Variants in C7orf57 observed in about 807,000 individuals in gnomAD.
C7orf57 encodes uncharacterized protein C7orf57.
Under a neutral mutation model 39.0 loss-of-function variants are expected in C7orf57, and 33 were observed. That is an observed-to-expected ratio of 0.85 (90% CI 0.64 to 1.13). The LOEUF (loss-of-function observed/expected upper bound fraction) is 1.13. Among genes scored for constraint, C7orf57 ranks in the 50% most tolerant of loss-of-function variants. C7orf57 has a pLI of 0.00. For synonymous variants in C7orf57, 124 were observed against 137.1 expected (o/e 0.90, Z 0.67); for missense variants, 346 against 362.3 (o/e 0.95, Z 0.37).
intron 2 of C7orf57, among the ~76,000 whole-genome samples, chr7:48,038,062 C>T (rs1360398567): frequency 6.6e-6 from 1 of 152,176 alleles, no homozygotes; most frequent in Non-Finnish European, 1.5e-5. Flanking sequence ...TTCTCTTATT[C>T]ATTCTTAAAT....
At chr7:48,043,443 G>T (rs200621851) in intron 3 of C7orf57, 38 bp from the exon 4 acceptor site, 1 of 1,509,266 alleles carries the variant, frequency 6.6e-7, no homozygotes, top group Non-Finnish European at 9.2e-7. Context: ...TGTAGGGGCG[G>T]CGGGGTGTCT....
chr7:48,052,155 G>T (rs1407926761), intron 6 of C7orf57, among the ~76,000 whole-genome samples: 1 of 151,696 alleles, frequency 6.6e-6, no homozygotes, highest in Non-Finnish European at 1.5e-5. Context: ...TGTATTTTTC[G>T]TGGAGACGGG....
chr7:48,051,966 T>C (rs985634316), intron 6 of C7orf57, among the ~76,000 whole-genome samples: 1 of 145,572 alleles, frequency 6.9e-6, no homozygotes, highest in East Asian at 2.0e-4. Context: ...TTTTTTTCTC[T>C]CTCTCTTCTT....
intron 4 of C7orf57, among the ~76,000 whole-genome samples, chr7:48,043,920 C>T (rs1455179152): frequency 6.6e-6 from 1 of 151,980 alleles, no homozygotes; most frequent in African/African-American, 2.4e-5. Flanking sequence ...TGGTGGGCTG[C>T]TCTCAAGATG....
chr7:48,048,398 C>T (rs1432041625), intron 5 of C7orf57, among the ~76,000 whole-genome samples: 1 of 152,164 alleles, frequency 6.6e-6, no homozygotes, highest in Non-Finnish European at 1.5e-5. Context: ...AGACTTAGGG[C>T]ACATGTATTG....
At chr7:48,057,698 T>C (rs1791154473) in intron 8 of C7orf57, among the ~76,000 whole-genome samples, 1 of 152,174 alleles carries the variant, frequency 6.6e-6, no homozygotes, top group South Asian at 2.1e-4. Flanking sequence ...TTTCTCCTGA[T>C]CTTAGAAAAA....
intron 2 of C7orf57, among the ~76,000 whole-genome samples, chr7:48,038,421 A>T (rs1326977646): frequency 2.7e-5 from 3 of 109,392 alleles, no homozygotes; most frequent in African/African-American, 9.0e-5. Context: ...GATAGATAGA[A>T]AGGGAGAGAG....
At chr7:48,042,199 T>C (rs1240083318) in intron 3 of C7orf57, among the ~76,000 whole-genome samples, 1 of 152,202 alleles carries the variant, frequency 6.6e-6, no homozygotes, top group Non-Finnish European at 1.5e-5. Flanking sequence ...GGAAGCAAAA[T>C]GGCAACATCT....
rs1272756550 is a variant in C7orf57, at chr7:48,060,945, A to G, written c.*673A>G. 3 of 152,164 alleles carry G rather than the reference A, an allele frequency of 2.0e-5. No homozygotes were observed. Among genetic ancestry groups the G allele is most frequent in the Non-Finnish European group, 2.9e-5 (2 of 68,000 alleles). The allele number at this position is 152,164 out of a possible 1,614,324, so 9.4% of individuals were successfully genotyped here. Reference sequence around the variant, plus strand: ...ATTAACAAAAACTTTTTAATAGTCAAACTGAATTACCTTGTTTTATAAATG... The same window carrying G: ...ATTAACAAAAACTTTTTAATAGTCAGACTGAATTACCTTGTTTTATAAATG... On this transcript the variant is annotated 3_prime_UTR_variant, in exon 9 of 9. Coordinates refer to ENST00000348904, the MANE Select transcript of C7orf57 (RefSeq NM_001100159.3).
At chr7:48,046,851 G>C (rs1019630248) in intron 5 of C7orf57, among the ~76,000 whole-genome samples, 2 of 152,324 alleles carry the variant, frequency 1.3e-5, no homozygotes, top group South Asian at 4.1e-4. Context: ...TTTGCTAAAT[G>C]ATTTATAGAT....
At chr7:48,043,917 C>T (rs950735859) in intron 4 of C7orf57, among the ~76,000 whole-genome samples, 4 of 151,976 alleles carry the variant, frequency 2.6e-5, no homozygotes, top group Non-Finnish European at 5.9e-5. Context: ...TGGTGGTGGG[C>T]TGCTCTCAAG....
intron 6 of C7orf57, among the ~76,000 whole-genome samples, chr7:48,051,026 A>G (rs1790858015): frequency 6.6e-6 from 1 of 152,098 alleles, no homozygotes; most frequent in Non-Finnish European, 1.5e-5. Flanking sequence ...CTGCCCTGTC[A>G]CTCTTCAGTG....
At position 48,041,425 on chromosome 7, in the gene C7orf57, C is replaced by T; in HGVS notation, c.147C>T (p.Asp49=). 1 of 1,613,974 alleles carries T rather than the reference C, an allele frequency of 6.2e-7. No individual in the cohort carries two copies. The highest frequency in any genetic ancestry group is 8.5e-7 in the Non-Finnish European group (1 of 1,179,868). ...SQIPGLSNLG[D]SHSENLPGTR... ...TCCCAGGTCTCAGCAATTTGGGAGA[C>T]TCACACAGCGAGAACCTGCCTGGGA... Residue 49 remains aspartate (D), a synonymous_variant, in exon 3 of 9, where the codon GAC becomes GAT. Coordinates refer to ENST00000348904, the MANE Select transcript of C7orf57 (RefSeq NM_001100159.3).
rs1361691444 is a variant in C7orf57 at position 48,046,557 on chromosome 7, TTCGACA to T, written c.450_455del (p.Phe150_Met152delinsLeu). On this transcript the variant is annotated inframe_deletion, in exon 5 of 9. Coordinates refer to ENST00000348904, the MANE Select transcript of C7orf57 (RefSeq NM_001100159.3). ...TGCATCCAGAAGAGGGCCCTTCGAC[TTCGACA>T]TGAAAACAGTTTGGCAAAGAGAGGC... is the stretch of plus-strand genomic sequence containing the variant. The T allele has an allele frequency of 3.7e-6, 6 of 1,613,898 alleles. No homozygotes were observed. Among genetic ancestry groups the T allele is most frequent in the Non-Finnish European group, 5.1e-6 (6 of 1,179,826 alleles).
intron 2 of C7orf57, among the ~76,000 whole-genome samples, chr7:48,038,832 A>G (rs1021372689): frequency 2.6e-5 from 4 of 152,110 alleles, no homozygotes; most frequent in African/African-American, 9.7e-5. Context: ...ATTCAGTTTG[A>G]AAAGGTGGGA....
intron 3 of C7orf57, among the ~76,000 whole-genome samples, chr7:48,043,000 C>A (rs950147976): frequency 1.3e-5 from 2 of 152,156 alleles, no homozygotes; most frequent in Non-Finnish European, 2.9e-5. Context: ...CATCTGGAAA[C>A]CTGGAGGTGT....
At chr7:48,051,960 T>C (rs1181228314) in intron 6 of C7orf57, among the ~76,000 whole-genome samples, 1 of 147,950 alleles carries the variant, frequency 6.8e-6, no homozygotes, top group East Asian at 2.0e-4. Flanking sequence ...TTCTTTTTTT[T>C]TTCTCTCTCT....
At chr7:48,051,663 T>TTC (rs1562629325) in intron 6 of C7orf57, among the ~76,000 whole-genome samples, 6 of 145,676 alleles carry the variant, frequency 4.1e-5, no homozygotes, top group African/African-American at 1.3e-4. Context: ...TCCCTTCCTT[T>TTC]CTTCCTTTCT....
In C7orf57 at chr7:48,060,484, A is replaced by G; in HGVS notation, c.*212A>G. The G allele has an allele frequency of 2.3e-6, 1 of 425,748 alleles. No individual in the cohort carries two copies. The allele number at this position is 425,748 out of a possible 1,614,324, so 26.4% of individuals were successfully genotyped here. A position where few individuals can be genotyped will look rare whatever the true frequency, so the allele number is the denominator to read the frequency against. On this transcript the variant is annotated 3_prime_UTR_variant, in exon 9 of 9. Transcript: ENST00000348904. ...TCTCTGGGATGTGAAACACTTGGCT[A>G]ACAAACACAACTAAGGCCTCTGGTA...
Sources: gnomAD v4.1 joint callset for allele counts (sites outside exome capture counted in the v4.1 genomes callset) on GRCh38, gnomAD v4.1.1 for gene constraint, MANE v1.5 for transcripts, NCBI Gene and HGNC (gene_info 2026-07-23, HGNC 2026-07-21) for gene names.